Variants in DLG2 observed in about 807,000 individuals in gnomAD.
DLG2 encodes discs large MAGUK scaffold protein 2, also known as disks large homolog 2.
Under a neutral mutation model 132.5 loss-of-function variants are expected in DLG2, and 45 were observed. The observed-to-expected ratio is 0.34, with a 90% confidence interval of 0.27 to 0.44. The LOEUF is 0.44. Among genes scored for constraint, DLG2 ranks in the 20% least tolerant of loss-of-function variants. The pLI is 1.00. For missense variants in DLG2, 1,045 were observed against 1,196.9 expected, an observed-to-expected ratio of 0.87 and a Z score of 1.87; for synonymous variants, 424 against 419.6, an observed-to-expected ratio of 1.01 and a Z score of -0.13.
intron 15 of DLG2, among the ~76,000 whole-genome samples, chr11:83,928,600 A>G (rs956738562): frequency 6.6e-6 from 1 of 151,960 alleles, no homozygotes. Context: ...ATGGGGGGAA[A>G]TTTTTTTCCA....
intron 7 of DLG2, among the ~76,000 whole-genome samples, chr11:84,366,823 C>T (rs1006471334): frequency 8.2e-4 from 124 of 152,110 alleles, no homozygotes; most frequent in African/African-American, 2.6e-3. Context: ...AAGTCCTGAG[C>T]GCCCTACAAA....
intron 3 of DLG2, among the ~76,000 whole-genome samples, chr11:85,436,554 A>G (rs576384475): frequency 1.2e-3 from 190 of 152,380 alleles, no homozygotes; most frequent in Middle Eastern, 6.8e-3. Flanking sequence ...CAAACATGAA[A>G]AAAACACAGC....
chr11:84,768,147 A>G (rs75644940), intron 6 of DLG2, among the ~76,000 whole-genome samples: 2,766 of 152,306 alleles, frequency 0.018, 83 homozygotes, highest in African/African-American at 0.054. Context: ...CTTTCAACGT[A>G]TATTTATAAA....
chr11:83,744,180 T>G (rs538677198), intron 18 of DLG2, among the ~76,000 whole-genome samples: 1 of 152,252 alleles, frequency 6.6e-6, no homozygotes, highest in South Asian at 2.1e-4. Flanking sequence ...TTCTAATCCT[T>G]TTCCCCTTCT....
At chr11:85,240,861 C>G (rs77068007) in intron 4 of DLG2, among the ~76,000 whole-genome samples, 2,075 of 151,704 alleles carry the variant, frequency 0.014, 31 homozygotes, top group South Asian at 0.049. Context: ...TAGTGGTAAG[C>G]CATACCTCTT....
chr11:84,017,362 A>G (rs528919446), intron 11 of DLG2, among the ~76,000 whole-genome samples: 2 of 152,208 alleles, frequency 1.3e-5, no homozygotes, highest in East Asian at 3.9e-4. Context: ...AACCAATGTT[A>G]TATATAAATT....
chr11:85,421,295 A>G (rs556420967), intron 3 of DLG2, among the ~76,000 whole-genome samples: 59 of 151,914 alleles, frequency 3.9e-4, no homozygotes, highest in African/African-American at 1.3e-3. Context: ...ACCAGTCCCA[A>G]TGAGATGAGC....
chr11:84,921,387 T>C (rs890381413), intron 6 of DLG2, among the ~76,000 whole-genome samples: 5 of 152,138 alleles, frequency 3.3e-5, no homozygotes, highest in Non-Finnish European at 5.9e-5. Context: ...ACATAAGAAG[T>C]ATATCTCAGT....
intron 7 of DLG2, among the ~76,000 whole-genome samples, chr11:84,351,718 T>C (rs12797444): frequency 1.3e-5 from 2 of 152,220 alleles, no homozygotes; most frequent in Non-Finnish European, 1.5e-5. Context: ...AATTTGCCAG[T>C]AATCTTAGGA....
chr11:85,122,969 ATTTTTTTTTTTT>A (rs1175644391), intron 5 of DLG2, among the ~76,000 whole-genome samples: 2 of 86,892 alleles, frequency 2.3e-5, no homozygotes, highest in Non-Finnish European at 4.3e-5. Context: ...ATATATATAT[ATTTTTTTTTTTT>A]TTTTTTTTTT....
intron 7 of DLG2, among the ~76,000 whole-genome samples, chr11:84,468,385 T>C (rs2099100099): frequency 6.6e-6 from 1 of 151,332 alleles, no homozygotes; most frequent in South Asian, 2.1e-4. Context: ...CTCTCTGTTC[T>C]AGTCCTTCCA....
intron 7 of DLG2, among the ~76,000 whole-genome samples, chr11:84,451,920 G>A (rs2099052649): frequency 6.6e-6 from 1 of 151,732 alleles, no homozygotes; most frequent in Non-Finnish European, 1.5e-5. Flanking sequence ...TCTGGGGAAA[G>A]AGTATGTGAA....
chr11:83,875,071 A>G (rs1327830274), intron 15 of DLG2, among the ~76,000 whole-genome samples: 2 of 152,136 alleles, frequency 1.3e-5, no homozygotes, highest in Admixed American at 6.6e-5. Context: ...GGTAAATTAT[A>G]TTTAGTTAGT....
At chr11:84,999,722 A>T (rs1288836057) in intron 6 of DLG2, among the ~76,000 whole-genome samples, 1 of 152,154 alleles carries the variant, frequency 6.6e-6, no homozygotes, top group Non-Finnish European at 1.5e-5. Flanking sequence ...TCGCATCATC[A>T]AATTGATTAC....
At chr11:85,401,444 T>G (rs2088096350) in intron 3 of DLG2, among the ~76,000 whole-genome samples, 1 of 152,062 alleles carries the variant, frequency 6.6e-6, no homozygotes, top group Non-Finnish European at 1.5e-5. Context: ...AAGGACACCC[T>G]CTCTCACCAC....
chr11:85,522,084 C>T (rs1242194858), intron 3 of DLG2, among the ~76,000 whole-genome samples: 2 of 152,106 alleles, frequency 1.3e-5, no homozygotes, highest in Non-Finnish European at 2.9e-5. Context: ...CATCACAGAC[C>T]CCAAGGCCTA....
intron 16 of DLG2, among the ~76,000 whole-genome samples, chr11:83,873,019 TC>T (rs941977587): frequency 6.6e-6 from 1 of 152,206 alleles, no homozygotes; most frequent in Non-Finnish European, 1.5e-5. Flanking sequence ...ATTATTTTTT[TC>T]ACACTTAGGA....
chr11:85,412,725 TCACACA>T lies in DLG2; in HGVS notation c.41-127366_41-127361del, dbSNP rs542505541. The stretch of plus-strand genomic sequence containing the variant: ...TTCCTTTTGATGGCTGAGCAGTATT[TCACACA>T]CACACACACACACACACACACACAC... On this transcript the variant is annotated intron_variant, in intron 3 of 27. Coordinates refer to ENST00000376104, the MANE Select transcript of DLG2 (RefSeq NM_001142699.3). Among the ~76,000 whole-genome samples the T allele has an allele frequency of 5.8e-3, 533 of 92,240 alleles. 1 individual carries two copies. The highest frequency in any genetic ancestry group is 7.2e-3 in the Non-Finnish European group (326 of 45,306). 60.5% of individuals were successfully genotyped at this position (92,240 alleles called of 152,430 possible). A position where few individuals can be genotyped will look rare whatever the true frequency, so the allele number is the denominator to read the frequency against.
intron 3 of DLG2, among the ~76,000 whole-genome samples, chr11:85,527,176 A>AT (rs57616528): frequency 0.013 from 1,801 of 142,986 alleles, 11 homozygotes; most frequent in African/African-American, 0.017. Flanking sequence ...GGATGTTTTT[A>AT]TTTTTTTTTT....
Sources: gnomAD v4.1 joint callset for allele counts (sites outside exome capture counted in the v4.1 genomes callset) on GRCh38, gnomAD v4.1.1 for gene constraint, MANE v1.5 for transcripts, NCBI Gene and HGNC (gene_info 2026-07-23, HGNC 2026-07-21) for gene names.